The following MBNL1 variants were observed in gnomAD, a reference collection of about 807,000 sequenced individuals.
MBNL1 encodes muscleblind like splicing regulator 1, also known as muscleblind-like protein 1.
MBNL1 carries 8 observed loss-of-function variants against 42.2 expected under a neutral mutation model. That is an observed-to-expected ratio of 0.19 (90% confidence interval 0.11 to 0.34). The LOEUF (loss-of-function observed/expected upper bound fraction) is 0.34. MBNL1 is among the 10% of genes least tolerant of loss of function. The pLI is 1.00. For missense variants in MBNL1, 309 were observed against 495.3 expected (o/e 0.62, Z 3.57); for synonymous variants, 169 against 173.9 (o/e 0.97, Z 0.22).
chr3:152,281,443 G>T (rs2048414837), intron 1 of MBNL1, among the ~76,000 whole-genome samples: 2 of 152,134 alleles, frequency 1.3e-5, no homozygotes, highest in African/African-American at 2.4e-5. Flanking sequence ...AAGCATTATG[G>T]TCATGAAAGA....
chr3:152,254,600 T>C (rs2035179712), intron 2 of MBNL1, among the ~76,000 whole-genome samples: 1 of 152,126 alleles, frequency 6.6e-6, no homozygotes, highest in African/African-American at 2.4e-5. Flanking sequence ...TTGAAATGGA[T>C]TATAAAACTA....
chr3:152,396,766 G>A (rs2097963599), intron 2 of MBNL1, among the ~76,000 whole-genome samples: 2 of 152,098 alleles, frequency 1.3e-5, no homozygotes, highest in Non-Finnish European at 2.9e-5. Context: ...TCAGATAACA[G>A]AGATAAATTA....
intron 2 of MBNL1, among the ~76,000 whole-genome samples, chr3:152,332,991 T>C (rs926077709): frequency 6.6e-6 from 1 of 152,262 alleles, no homozygotes; most frequent in South Asian, 2.1e-4. Flanking sequence ...AGTTGCTGAA[T>C]AATCAAGGCC....
Position 152,427,050 on chromosome 3 carries a change from T to G in MBNL1, c.346-5667T>G, listed in dbSNP as rs1580246360. On this transcript the variant is annotated intron_variant, in intron 3 of 9. Transcript: ENST00000324210. ...AGGTAATGGTTGAGATAAGGCACTT[T>G]ATCCCAGAGTGTTTCTGGTAAAATG... Among the ~76,000 whole-genome samples, 3 of 152,244 alleles carry G rather than the reference T, an allele frequency of 2.0e-5. 1 individual carries two copies. The South Asian group carries it at 6.2e-4, about 31-fold the overall frequency.
intron 3 of MBNL1, among the ~76,000 whole-genome samples, chr3:152,416,116 C>T (rs1261814323): frequency 1.3e-5 from 2 of 151,782 alleles, no homozygotes; most frequent in Admixed American, 6.6e-5. Context: ...GTTTTTTTTC[C>T]GAATACATTC....
At chr3:152,280,766 T>G (rs181967442) in intron 1 of MBNL1, among the ~76,000 whole-genome samples, 80 of 152,290 alleles carry the variant, frequency 5.3e-4, no homozygotes, top group African/African-American at 1.9e-3. Flanking sequence ...ATGGTGAAAG[T>G]GCAACTGTGC....
chr3:152,329,695 T>TTATA (rs200400979), intron 2 of MBNL1, among the ~76,000 whole-genome samples: 5 of 132,398 alleles, frequency 3.8e-5, no homozygotes, highest in African/African-American at 1.3e-4. Flanking sequence ...ATCTTATATA[T>TTATA]TATATATATA....
chr3:152,374,372 A>G (rs2096807125), intron 2 of MBNL1, among the ~76,000 whole-genome samples: 1 of 152,206 alleles, frequency 6.6e-6, no homozygotes, highest in Non-Finnish European at 1.5e-5. Flanking sequence ...CTCTGAGGGC[A>G]TCTTCAGCTG....
intron 8 of MBNL1, chr3:152,458,298 T>C: frequency 1.1e-6 from 1 of 937,442 alleles, no homozygotes. Flanking sequence ...AACAGGGACA[T>C]ATTAATATAC....
chr3:152,435,192 A>T (rs2099062119), intron 4 of MBNL1, among the ~76,000 whole-genome samples: 2 of 152,004 alleles, frequency 1.3e-5, no homozygotes, highest in Non-Finnish European at 2.9e-5. Flanking sequence ...TTAAGCCTTT[A>T]ATCCGTCTTG....
intron 2 of MBNL1, among the ~76,000 whole-genome samples, chr3:152,324,081 C>G (rs1056691247): frequency 2.6e-5 from 4 of 152,102 alleles, no homozygotes; most frequent in African/African-American, 9.7e-5. Context: ...GGAAATAAAT[C>G]CTCTTGTGTT....
chr3:152,393,545 C>G (rs1469592412), intron 2 of MBNL1, among the ~76,000 whole-genome samples: 1 of 152,192 alleles, frequency 6.6e-6, no homozygotes, highest in African/African-American at 2.4e-5. Context: ...TGATTCAGGT[C>G]TGAGGGAATA....
intron 4 of MBNL1, among the ~76,000 whole-genome samples, chr3:152,441,477 C>T (rs2099144821): frequency 6.6e-6 from 1 of 152,126 alleles, no homozygotes; most frequent in African/African-American, 2.4e-5. Flanking sequence ...AACTGGAACT[C>T]ACAATTTTTG....
intron 9 of MBNL1, among the ~76,000 whole-genome samples, chr3:152,460,622 A>C (rs552070682): frequency 6.4e-4 from 97 of 151,168 alleles, no homozygotes; most frequent in Middle Eastern, 3.4e-3. Flanking sequence ...AAAAAAAAAA[A>C]CAAAAAAAAA....
chr3:152,324,168 T>C (rs2078088378), intron 2 of MBNL1, among the ~76,000 whole-genome samples: 1 of 152,206 alleles, frequency 6.6e-6, no homozygotes, highest in Admixed American at 6.6e-5. Flanking sequence ...AAGAATACTT[T>C]ATAAATGTCA....
intron 2 of MBNL1, chr3:152,340,069 G>C (rs1189777529): frequency 6.5e-6 from 1 of 153,314 alleles, no homozygotes; most frequent in Non-Finnish European, 1.5e-5. Context: ...CAGCAATTTG[G>C]GACGTCAAGA....
At chr3:152,339,547 T>G (rs2092538560) in intron 2 of MBNL1, 1 of 152,092 alleles carries the variant, frequency 6.6e-6, no homozygotes, top group African/African-American at 2.4e-5. Flanking sequence ...TCTTCTAATA[T>G]GAGATCATTG....
At chr3:152,288,111 A>G (rs2150827920) in intron 1 of MBNL1, among the ~76,000 whole-genome samples, 1 of 152,342 alleles carries the variant, frequency 6.6e-6, no homozygotes, top group African/African-American at 2.4e-5. Context: ...AGCGTTGGTA[A>G]TGCTCACATT....
upstream of MBNL1, chr3:152,268,616 A>AC (rs1282433173): frequency 7.6e-6 from 3 of 396,832 alleles, no homozygotes; most frequent in Non-Finnish European, 1.5e-5. Context: ...GATGGAAGAT[A>AC]CCAACGGGAG....
Sources: gnomAD v4.1 joint callset for allele counts (sites outside exome capture counted in the v4.1 genomes callset) on GRCh38, gnomAD v4.1.1 for gene constraint, MANE v1.5 for transcripts, NCBI Gene and HGNC (gene_info 2026-07-23, HGNC 2026-07-21) for gene names.